Variants in ALK observed in about 807,000 individuals in gnomAD.
ALK encodes the protein ALK receptor tyrosine kinase.
ALK carries 74 observed loss-of-function variants against 163.1 expected under a neutral mutation model. That is an observed-to-expected ratio of 0.45 (90% CI 0.38 to 0.55). ALK has a LOEUF of 0.55. Among genes scored for constraint, ALK ranks in the 20% least tolerant of loss-of-function variants. ALK has a pLI of 0.00. For synonymous variants in ALK, 960 were observed against 843.2 expected (o/e 1.14, Z -2.40); for missense variants, 2,063 against 2,105.3 (o/e 0.98, Z 0.39).
chr2:29,590,067 T>C (rs1282743428), intron 3 of ALK, among the ~76,000 whole-genome samples: 1 of 152,238 alleles, frequency 6.6e-6, no homozygotes, highest in Non-Finnish European at 1.5e-5. Context: ...AGCTAGTTTG[T>C]CTGGCTTGTC....
intron 5 of ALK, among the ~76,000 whole-genome samples, chr2:29,349,338 T>C (rs1668044907): frequency 6.6e-6 from 1 of 152,234 alleles, no homozygotes; most frequent in African/African-American, 2.4e-5. Flanking sequence ...TTTTGGCCTC[T>C]GTTTGTTTGT....
chr2:29,280,004 G>C (rs74531775), intron 9 of ALK, among the ~76,000 whole-genome samples: 2,133 of 152,194 alleles, frequency 0.014, 52 homozygotes, highest in African/African-American at 0.049. Context: ...CCAAGGGACT[G>C]AGGGAAAATT....
intron 5 of ALK, among the ~76,000 whole-genome samples, chr2:29,344,556 A>G (rs969777232): frequency 1.3e-5 from 2 of 152,230 alleles, no homozygotes; most frequent in Non-Finnish European, 2.9e-5. Flanking sequence ...TCAAGGCAGC[A>G]GACATGCAAG....
At chr2:29,546,756 C>G (rs1001045026) in intron 3 of ALK, among the ~76,000 whole-genome samples, 1 of 152,168 alleles carries the variant, frequency 6.6e-6, no homozygotes, top group African/African-American at 2.4e-5. Flanking sequence ...TTATTGCTTT[C>G]TCTGGGCATT....
intron 1 of ALK, among the ~76,000 whole-genome samples, chr2:29,886,968 C>T (rs755741843): frequency 1.3e-5 from 2 of 152,266 alleles, no homozygotes; most frequent in Non-Finnish European, 2.9e-5. Context: ...TATTTTAACC[C>T]ACCCAAGCAT....
intron 12 of ALK, among the ~76,000 whole-genome samples, chr2:29,240,968 C>T (rs1664507799): frequency 6.6e-6 from 1 of 152,182 alleles, no homozygotes; most frequent in Non-Finnish European, 1.5e-5. Context: ...TCCCTTCTTC[C>T]AAGTGTGTGA....
chr2:29,299,881 G>A (rs1429067575), intron 8 of ALK, among the ~76,000 whole-genome samples: 1 of 152,176 alleles, frequency 6.6e-6, no homozygotes. Context: ...TTCATCTCAA[G>A]TCAAGAGAGA....
intron 4 of ALK, among the ~76,000 whole-genome samples, chr2:29,388,104 A>G (rs1669075988): frequency 6.6e-6 from 1 of 152,246 alleles, no homozygotes; most frequent in Non-Finnish European, 1.5e-5. Flanking sequence ...GGAAACAAAA[A>G]GAATTTCTAA....
intron 3 of ALK, among the ~76,000 whole-genome samples, chr2:29,605,154 G>C (rs1329591488): frequency 1.3e-5 from 2 of 152,192 alleles, no homozygotes; most frequent in African/African-American, 4.8e-5. Flanking sequence ...CACGGACAGG[G>C]GGGTGGGTAG....
intron 1 of ALK, among the ~76,000 whole-genome samples, chr2:29,819,973 A>G (rs937369206): frequency 7.2e-5 from 11 of 152,240 alleles, no homozygotes; most frequent in Admixed American, 2.0e-4. Flanking sequence ...CAAAACATCT[A>G]TCCCTAAGAC....
intron 1 of ALK, among the ~76,000 whole-genome samples, chr2:29,884,103 C>T (rs994449781): frequency 1.5e-4 from 23 of 152,218 alleles, no homozygotes; most frequent in Admixed American, 5.2e-4. Flanking sequence ...TACTGTACTA[C>T]TGTAATAGTT....
rs1172702963 is a variant in ALK at position 29,705,240 on chromosome 2, AATATATATAT to A, written c.788-10236_788-10227del. Among the ~76,000 whole-genome samples, 29 of 47,164 alleles carry A rather than the reference AATATATATAT, an allele frequency of 6.1e-4. 1 individual carries two copies. Among genetic ancestry groups the A allele is most frequent in the Middle Eastern group, 0.024 (2 of 84 alleles). 30.9% of individuals were successfully genotyped at this position (47,164 alleles called of 152,430 possible). A position where few individuals can be genotyped will look rare whatever the true frequency, so the allele number is the denominator to read the frequency against. Reference sequence around the variant, plus strand: ...CTCAACAAAAAAAGAAAAGAAAAGAAATATATATATATATATATATATATATATATATATA... The same window carrying A: ...CTCAACAAAAAAAGAAAAGAAAAGAAATATATATATATATATATATATATA... On this transcript the variant is annotated intron_variant, in intron 2 of 28. Transcript: ENST00000389048.
intron 3 of ALK, among the ~76,000 whole-genome samples, chr2:29,631,464 C>A (rs575605842): frequency 6.6e-6 from 1 of 152,310 alleles, no homozygotes; most frequent in East Asian, 1.9e-4. Flanking sequence ...TTCTAGATCC[C>A]ATCCTGGGAC....
intron 1 of ALK, among the ~76,000 whole-genome samples, chr2:29,878,974 A>G (rs556370616): frequency 6.6e-6 from 1 of 152,318 alleles, no homozygotes; most frequent in African/African-American, 2.4e-5. Flanking sequence ...AAGTCGAAGC[A>G]GAAAACCCAC....
chr2:29,416,943 A>G (rs1027507911), intron 4 of ALK, among the ~76,000 whole-genome samples: 3 of 151,824 alleles, frequency 2.0e-5, no homozygotes, highest in Non-Finnish European at 4.4e-5. Context: ...CATTAAAAAA[A>G]AAATGAGTGA....
intron 1 of ALK, among the ~76,000 whole-genome samples, chr2:29,777,305 T>C (rs1386306286): frequency 2.6e-5 from 4 of 152,180 alleles, no homozygotes; most frequent in African/African-American, 9.7e-5. Context: ...ATGACCTTCT[T>C]AGAGACCAGG....
Position 29,239,241 on chromosome 2 carries a change from G to T in ALK, c.2355+439C>A, listed in dbSNP as rs556274019. The stretch of plus-strand genomic sequence containing the variant: ...CTCTTAGGAGCCCTGAATTTATTTT[G>T]TGGAAGTAAACTGCTTTCTCGGTAG... On this transcript the variant is annotated intron_variant, in intron 13 of 28. Coordinates refer to ENST00000389048, the MANE Select transcript of ALK (RefSeq NM_004304.5). Among the ~76,000 whole-genome samples the T allele has an allele frequency of 2.0e-5, 3 of 152,266 alleles. No individual in the cohort carries two copies. The East Asian group carries it at 5.8e-4, about 29-fold the overall frequency.
At chr2:29,812,598 C>A (rs527387767) in intron 1 of ALK, among the ~76,000 whole-genome samples, 49 of 152,168 alleles carry the variant, frequency 3.2e-4, no homozygotes, top group Non-Finnish European at 6.6e-4. Flanking sequence ...AGATTAAACT[C>A]CATTTGCCTT....
intron 1 of ALK, among the ~76,000 whole-genome samples, chr2:29,797,607 T>C (rs553117033): frequency 3.9e-5 from 6 of 152,296 alleles, no homozygotes; most frequent in African/African-American, 1.4e-4. Flanking sequence ...ATAGCCCAAG[T>C]GCCAGGGACA....
Sources: allele counts gnomAD v4.1 joint callset (sites outside exome capture counted in the v4.1 genomes callset), GRCh38; gene constraint gnomAD v4.1.1; transcripts MANE v1.5; gene names NCBI Gene and HGNC (gene_info 2026-07-23, HGNC 2026-07-21).